The following ZBTB38 variants were observed in gnomAD, a reference collection of about 807,000 sequenced individuals.
ZBTB38 encodes the protein zinc finger and BTB domain-containing protein 38.
A neutral mutation model predicts 76.8 loss-of-function variants in ZBTB38; 20 were observed. The observed-to-expected ratio is 0.26, with a 90% CI of 0.18 to 0.38. ZBTB38 has a LOEUF of 0.38. Ranked by LOEUF, ZBTB38 falls within the 10% of genes least tolerant of loss-of-function variation. The pLI is 1.00. For missense variants in ZBTB38, 1,082 were observed against 1,482.3 expected (o/e 0.73, Z 4.43); for synonymous variants, 504 against 544.2 (o/e 0.93, Z 1.03).
At chr3:141,361,888 G>A (rs371587101) in intron 1 of ZBTB38, among the ~76,000 whole-genome samples, 133 of 152,284 alleles carry the variant, frequency 8.7e-4, no homozygotes, top group African/African-American at 3.2e-3. Flanking sequence ...ACACCTCAGC[G>A]AAAGTGAGGG....
chr3:141,449,466 A>T lies in ZBTB38; in HGVS notation c.*3490A>T, dbSNP rs1203807747. 6.6e-6 allele frequency: 1 copy of T among 152,220 alleles called. No individual in the cohort carries two copies. The highest frequency in any genetic ancestry group is 1.9e-4 in the East Asian group (1 of 5,204). The allele number at this position is 152,220 out of a possible 1,614,324, so 9.4% of individuals were successfully genotyped here. A position where few individuals can be genotyped will look rare whatever the true frequency, so the allele number is the denominator to read the frequency against. Reference sequence around the variant, plus strand: ...TGGTAATTTTCACACAAAGAAAAAAATACGTTCCGTCGTCACAGACTCTAC... The same window carrying T: ...TGGTAATTTTCACACAAAGAAAAAATTACGTTCCGTCGTCACAGACTCTAC... On this transcript the variant is annotated 3_prime_UTR_variant, in exon 6 of 6. Transcript: ENST00000321464.
chr3:141,333,186 G>A (rs762334366), intron 1 of ZBTB38, among the ~76,000 whole-genome samples: 15 of 152,152 alleles, frequency 9.9e-5, no homozygotes, highest in Admixed American at 3.3e-4. Context: ...TGTTTGCTCC[G>A]GTAAAGCCTT....
chr3:141,366,117 G>C (rs986377767), upstream of ZBTB38: 1 of 152,136 alleles, frequency 6.6e-6, no homozygotes, highest in Non-Finnish European at 1.5e-5. Flanking sequence ...ATTTTTCCCA[G>C]TTCTCTGATT....
intron 1 of ZBTB38, among the ~76,000 whole-genome samples, chr3:141,343,806 T>C (rs1432224909): frequency 6.6e-6 from 1 of 152,190 alleles, no homozygotes; most frequent in African/African-American, 2.4e-5. Context: ...TTGAGACAGT[T>C]CCATGGCTCA....
intron 3 of ZBTB38, chr3:141,384,887 C>T (rs1050743552): frequency 6.6e-6 from 1 of 152,168 alleles, no homozygotes; most frequent in African/African-American, 2.4e-5. Flanking sequence ...TATGACCCAC[C>T]ATCTGGACAA....
intron 5 of ZBTB38, among the ~76,000 whole-genome samples, chr3:141,433,129 A>T (rs1052443395): frequency 2.0e-5 from 3 of 152,098 alleles, no homozygotes; most frequent in Non-Finnish European, 4.4e-5. Flanking sequence ...GGGTGTGTCT[A>T]TGTTTCTGTA....
intron 2 of ZBTB38, among the ~76,000 whole-genome samples, chr3:141,381,196 A>C (rs1316837298): frequency 6.6e-6 from 1 of 152,214 alleles, no homozygotes; most frequent in Non-Finnish European, 1.5e-5. Context: ...CATGTTTCAA[A>C]TGCACTGATG....
chr3:141,416,659 A>G (rs1230713767), intron 5 of ZBTB38, among the ~76,000 whole-genome samples: 1 of 152,194 alleles, frequency 6.6e-6, no homozygotes, highest in Non-Finnish European at 1.5e-5. Flanking sequence ...AATTTGGGAA[A>G]AGGGTCTTCA....
upstream of ZBTB38, among the ~76,000 whole-genome samples, chr3:141,365,834 A>G (rs1399674872): frequency 6.6e-6 from 1 of 152,212 alleles, no homozygotes. Context: ...TAAATACACT[A>G]AAACCCATTG....
chr3:141,423,536 C>T (rs1223342268), intron 5 of ZBTB38, among the ~76,000 whole-genome samples: 1 of 152,074 alleles, frequency 6.6e-6, no homozygotes, highest in Non-Finnish European at 1.5e-5. Flanking sequence ...AATTTAAACC[C>T]AGGAGTGGGT....
chr3:141,350,050 T>G (rs906607157), intron 1 of ZBTB38, among the ~76,000 whole-genome samples: 3 of 152,184 alleles, frequency 2.0e-5, no homozygotes, highest in Non-Finnish European at 4.4e-5. Context: ...GAAAGAGTCT[T>G]AGAGGGCTAA....
intron 4 of ZBTB38, chr3:141,387,800 G>A (rs1173213791): frequency 1.3e-5 from 2 of 152,214 alleles, no homozygotes; most frequent in Admixed American, 6.5e-5. Flanking sequence ...TGAGCAAGAA[G>A]ACAGAGAAAT....
In ZBTB38 at chr3:141,444,563, G is replaced by A. The variant is rs747716274; in HGVS notation, c.2175G>A (p.Ser725=). 2.0e-5 allele frequency: 32 copies of A among 1,613,974 alleles called. No individual in the cohort carries two copies. The highest frequency in any genetic ancestry group is 8.0e-5 in the African/African-American group (6 of 74,890). Residue 725 remains serine, a synonymous_variant, in exon 6 of 6, where the codon TCG becomes TCA. Transcript: ENST00000321464. This position sits in a 1 kb window ranked among gnomAD's most constrained non-coding sequence, Gnocchi z 5.1. ...TTGTACACAGCAGCCAGTTTTCATCGGTGATCATGCACAGCAATGCCATTG... is the reference window on the plus strand; with the variant it reads ...TTGTACACAGCAGCCAGTTTTCATCAGTGATCATGCACAGCAATGCCATTG... ...SVIVHSSQFS[S]VIMHSNAIAA... is the part of the protein sequence containing the mutation.
intron 1 of ZBTB38, among the ~76,000 whole-genome samples, chr3:141,350,829 G>A (rs1199914896): frequency 1.3e-5 from 2 of 152,092 alleles, no homozygotes; most frequent in African/African-American, 2.4e-5. Context: ...CATTCTGTTG[G>A]TAAGAACATT....
At chr3:141,414,038 A>C (rs1362318594) in intron 5 of ZBTB38, among the ~76,000 whole-genome samples, 1 of 152,240 alleles carries the variant, frequency 6.6e-6, no homozygotes, top group Non-Finnish European at 1.5e-5. Context: ...TTTTAGAAGG[A>C]CAATGACTCA....
chr3:141,325,744 G>T (rs1942654933), intron 1 of ZBTB38, among the ~76,000 whole-genome samples: 1 of 152,180 alleles, frequency 6.6e-6, no homozygotes. Flanking sequence ...AGACTACCAT[G>T]ATTAACACAA....
chr3:141,362,907 C>T (rs928141162), intron 1 of ZBTB38, among the ~76,000 whole-genome samples: 1 of 152,086 alleles, frequency 6.6e-6, no homozygotes. Context: ...CCCAAGACTG[C>T]ACCCTGTAGG....
intron 2 of ZBTB38, among the ~76,000 whole-genome samples, chr3:141,378,257 G>A (rs758778736): frequency 6.6e-6 from 1 of 152,068 alleles, no homozygotes; most frequent in Non-Finnish European, 1.5e-5. Context: ...TATCAGAGGA[G>A]GAGCACAGGG....
Position 141,448,361 on chromosome 3 carries a change from G to A in ZBTB38, c.*2385G>A, listed in dbSNP as rs1208899773. 6.6e-6 allele frequency: 1 copy of A among 152,516 alleles called. No homozygotes were observed. The highest frequency in any genetic ancestry group is 2.4e-5 in the African/African-American group (1 of 41,416). The allele number at this position is 152,516 out of a possible 1,614,324, so 9.4% of individuals were successfully genotyped here. ...AGTTTCAGGGAGGGGTGTATATTTT[G>A]ATAAAAAAATACTTGACTTTGTAAT... On this transcript the variant is annotated 3_prime_UTR_variant, in exon 6 of 6. Transcript: ENST00000321464.
Sources: allele counts gnomAD v4.1 joint callset (sites outside exome capture counted in the v4.1 genomes callset), GRCh38; gene constraint gnomAD v4.1.1; non-coding constraint Gnocchi (gnomAD v3.1); transcripts MANE v1.5; gene names NCBI Gene and HGNC (gene_info 2026-07-23, HGNC 2026-07-21).